ARHGAP44: variants seen among roughly 807,000 people sequenced by gnomAD.
ARHGAP44 encodes the protein rho GTPase-activating protein 44.
ARHGAP44 carries 43 observed loss-of-function variants against 106.8 expected under a neutral mutation model. The ratio of observed to expected loss-of-function variants is 0.40; its 90% CI spans 0.32 to 0.52. ARHGAP44 has a LOEUF of 0.52. Among genes scored for constraint, ARHGAP44 ranks in the 20% least tolerant of loss-of-function variants. The pLI is 0.48. For synonymous variants in ARHGAP44, 439 were observed against 410.3 expected, an observed-to-expected ratio of 1.07 and a Z score of -0.85; for missense variants, 866 against 1,050.5, an observed-to-expected ratio of 0.82 and a Z score of 2.43.
At chr17:12,919,384 C>CTTT (rs1251250077) in intron 5 of ARHGAP44, among the ~76,000 whole-genome samples, 2 of 85,950 alleles carry the variant, frequency 2.3e-5, no homozygotes, top group African/African-American at 1.0e-4. Flanking sequence ...AAGAATAGTT[C>CTTT]TTCTTTTTTT....
chr17:12,969,580 C>G lies in ARHGAP44; in HGVS notation c.1524-3722C>G, dbSNP rs142864530. On this transcript the variant is annotated intron_variant, in intron 16 of 20. Coordinates refer to ENST00000379672, the MANE Select transcript of ARHGAP44 (RefSeq NM_014859.6). ...GCTTTCAAAGCCCTGCTGTCCTGAG[C>G]TGGAGAGGCTGTGGAGTCACCACGT... Among the ~76,000 whole-genome samples the G allele has an allele frequency of 7.7e-3, 1,178 of 152,322 alleles. 12 individuals carry two copies. Among genetic ancestry groups the G allele is most frequent in the African/African-American group, 0.027 (1,111 of 41,566 alleles).
rs1023172978 is a variant in ARHGAP44, at chr17:12,990,129, C to T, written c.2415C>T (p.Asp805=). The T allele has an allele frequency of 6.2e-7, 1 of 1,613,404 alleles. No homozygotes were observed. Among genetic ancestry groups the T allele is most frequent in the Non-Finnish European group, 8.5e-7 (1 of 1,179,662 alleles). Residue 805 remains aspartate (D), a synonymous_variant, in exon 21 of 21, where the codon GAC becomes GAT. Transcript: ENST00000379672. Reference sequence around the variant, plus strand: ...ACATGCGGCGACACTCAGTAACTGACAAGAGGGACTCGGAGGAGGAGTCTG... The same window carrying T: ...ACATGCGGCGACACTCAGTAACTGATAAGAGGGACTCGGAGGAGGAGTCTG... ...LEHMRRHSVT[D]KRDSEEESES...
At chr17:12,803,223 C>T (rs1042397542) in intron 1 of ARHGAP44, among the ~76,000 whole-genome samples, 6 of 151,630 alleles carry the variant, frequency 4.0e-5, no homozygotes, top group Non-Finnish European at 8.8e-5. Context: ...CCACCCGCCT[C>T]GGCCTCCCAA....
intron 4 of ARHGAP44, among the ~76,000 whole-genome samples, chr17:12,914,374 A>G (rs1195673700): frequency 6.6e-6 from 1 of 152,254 alleles, no homozygotes; most frequent in Non-Finnish European, 1.5e-5. Context: ...TATTTACTGA[A>G]GCGCTGCATG....
chr17:12,802,960 TATATATA>T (rs1172353273), intron 1 of ARHGAP44, among the ~76,000 whole-genome samples: 40 of 25,616 alleles, frequency 1.6e-3, no homozygotes, highest in African/African-American at 6.0e-3. Context: ...TATATATATA[TATATATA>T]TATTTTTTTT....
At chr17:12,944,744 C>G (rs2038806355) in intron 10 of ARHGAP44, among the ~76,000 whole-genome samples, 1 of 151,872 alleles carries the variant, frequency 6.6e-6, no homozygotes, top group African/African-American at 2.4e-5. Flanking sequence ...CTGCCATGGC[C>G]TCCCAAAGTG....
chr17:12,920,550 T>C (rs2038052445), intron 6 of ARHGAP44, among the ~76,000 whole-genome samples: 1 of 152,054 alleles, frequency 6.6e-6, no homozygotes, highest in African/African-American at 2.4e-5. Flanking sequence ...AAAGCATCTA[T>C]GGCAGAGGGC....
At position 12,916,553 on chromosome 17, in the gene ARHGAP44, T is replaced by A. The variant is rs528924679; in HGVS notation, c.387+542T>A. 1.1e-4 allele frequency among the ~76,000 whole-genome samples: 17 copies of A among 152,228 alleles called. No individual in the cohort carries two copies. In the South Asian group the frequency reaches 3.1e-3, roughly 28 times the overall value. ...GCACCCACCACCATGCCCATTTAAT[T>A]ATTATATTTTTAGTAGAGACGGGGT... On this transcript the variant is annotated intron_variant, in intron 5 of 20. Coordinates refer to ENST00000379672, the MANE Select transcript of ARHGAP44 (RefSeq NM_014859.6).
chr17:12,924,008 A>G (rs1039758763), intron 6 of ARHGAP44, among the ~76,000 whole-genome samples: 3 of 152,062 alleles, frequency 2.0e-5, no homozygotes, highest in Admixed American at 1.3e-4. Context: ...GCAGCATCCT[A>G]CTTCTGATTT....
chr17:12,842,393 G>A (rs1449720251), intron 1 of ARHGAP44, among the ~76,000 whole-genome samples: 1 of 145,894 alleles, frequency 6.9e-6, no homozygotes, highest in Admixed American at 6.9e-5. Context: ...CTCCAGCCTG[G>A]GTGACAGAGC....
At chr17:12,802,965 ATATAT>A (rs1410715701) in intron 1 of ARHGAP44, among the ~76,000 whole-genome samples, 6 of 27,026 alleles carry the variant, frequency 2.2e-4, no homozygotes, top group African/African-American at 7.6e-4. Flanking sequence ...ATATATATAT[ATATAT>A]TTTTTTTTTT....
Position 12,990,345 on chromosome 17 carries a change from G to A in ARHGAP44, c.*174G>A. The A allele has an allele frequency of 1.2e-6, 1 of 800,816 alleles. No individual in the cohort carries two copies. Among genetic ancestry groups the A allele is most frequent in the Non-Finnish European group, 1.9e-6 (1 of 527,448 alleles). The allele number at this position is 800,816 out of a possible 1,614,324, so 49.6% of individuals were successfully genotyped here. ...GATCTCCAGTCCGTGTGGTGATGCTGGTGGTGCAGGTTTTGTTTGTTCCTT... is the reference window on the plus strand; with the variant it reads ...GATCTCCAGTCCGTGTGGTGATGCTAGTGGTGCAGGTTTTGTTTGTTCCTT... On this transcript the variant is annotated 3_prime_UTR_variant, in exon 21 of 21. Coordinates refer to ENST00000379672, the MANE Select transcript of ARHGAP44 (RefSeq NM_014859.6).
intron 16 of ARHGAP44, among the ~76,000 whole-genome samples, chr17:12,964,734 C>A (rs1045340292): frequency 6.6e-6 from 1 of 152,182 alleles, no homozygotes; most frequent in Non-Finnish European, 1.5e-5. Flanking sequence ...TTGCAGTGAG[C>A]CAAGATCGCA....
chr17:12,955,826 T>C, intron 13 of ARHGAP44, 41 bp from the exon 14 acceptor site: 1 of 1,318,134 alleles, frequency 7.6e-7, no homozygotes, highest in Admixed American at 1.9e-5. Flanking sequence ...ATGGCTGGTG[T>C]TGAGCCTTGG....
chr17:12,989,101 CAAAAAAAAA>C lies in ARHGAP44; in HGVS notation c.2318-915_2318-907del, dbSNP rs71144942. 5.5e-3 allele frequency among the ~76,000 whole-genome samples: 249 copies of C among 45,184 alleles called. 2 individuals are homozygous for C. Among genetic ancestry groups the C allele is most frequent in the Non-Finnish European group, 7.4e-3 (187 of 25,224 alleles). 29.6% of individuals were successfully genotyped at this position (45,184 alleles called of 152,430 possible). ...GACAAGAGCGAAACTCCACCCCCCC[CAAAAAAAAA>C]AAAAAAAAAAAAAAACTAAGCAGGC... On this transcript the variant is annotated intron_variant, in intron 20 of 20. Transcript: ENST00000379672.
intron 1 of ARHGAP44, among the ~76,000 whole-genome samples, chr17:12,823,835 A>G (rs558153369): frequency 7.2e-5 from 11 of 152,198 alleles, no homozygotes; most frequent in African/African-American, 2.4e-4. Flanking sequence ...TTCATGGTAT[A>G]TATTACCCTA....
intron 1 of ARHGAP44, among the ~76,000 whole-genome samples, chr17:12,892,993 T>C (rs541364430): frequency 6.6e-6 from 1 of 152,304 alleles, no homozygotes; most frequent in African/African-American, 2.4e-5. Context: ...AGTTTTTTTT[T>C]CTGCTTCTTG....
At position 12,974,289 on chromosome 17, in the gene ARHGAP44, A is replaced by G. The variant is rs999744476; in HGVS notation, c.1742A>G (p.Gln581Arg). 19 of 1,450,640 alleles carry G rather than the reference A, an allele frequency of 1.3e-5. No individual in the cohort carries two copies. In the African/African-American group the frequency reaches 2.5e-4, roughly 19 times the overall value. The allele number at this position is 1,450,640 out of a possible 1,614,324, so 89.9% of individuals were successfully genotyped here. ...CTCTCTCCATCCGGCCTGGGCCTCCAGCCTGGGCCCGAGCGCACCAGGTAA... is the reference window on the plus strand; with the variant it reads ...CTCTCTCCATCCGGCCTGGGCCTCCGGCCTGGGCCCGAGCGCACCAGGTAA... ...PALSPSGLGL[Q>R]PGPERTSTTK... The change falls in exon 18 of 21, where the codon CAG becomes CGG. Residue 581 changes from glutamine (Q) to arginine (R), a missense_variant. Gln to Arg is a conservative substitution (Grantham distance 43, BLOSUM62 1). Coordinates refer to ENST00000379672, the MANE Select transcript of ARHGAP44 (RefSeq NM_014859.6).
At chr17:12,970,059 C>T (rs1165409279) in intron 16 of ARHGAP44, among the ~76,000 whole-genome samples, 1 of 152,074 alleles carries the variant, frequency 6.6e-6, no homozygotes, top group African/African-American at 2.4e-5. Context: ...GTCTACCTTG[C>T]CAAAATGAGG....
Sources: gnomAD v4.1 joint callset for allele counts (sites outside exome capture counted in the v4.1 genomes callset) on GRCh38, gnomAD v4.1.1 for gene constraint, MANE v1.5 for transcripts, NCBI Gene and HGNC (gene_info 2026-07-23, HGNC 2026-07-21) for gene names.